NFATC3: variants seen among roughly 807,000 people sequenced by gnomAD.
The protein encoded by NFATC3 is nuclear factor of activated T-cells, cytoplasmic 3.
A neutral mutation model predicts 98.6 loss-of-function variants in NFATC3; 46 were observed. The ratio of observed to expected loss-of-function variants is 0.47; its 90% CI spans 0.37 to 0.60. NFATC3 has a LOEUF of 0.60. Among genes scored for constraint, NFATC3 ranks in the 20% least tolerant of loss-of-function variants. The probability of loss-of-function intolerance (pLI) is 0.00; values close to 1 mark genes in which losing one functional copy is unlikely to be tolerated. For synonymous variants in NFATC3, 512 were observed against 472.2 expected (o/e 1.08, Z -1.09); for missense variants, 1,256 against 1,295.5 (o/e 0.97, Z 0.47).
In NFATC3 at chr16:68,160,791, T is replaced by C. The variant is rs546202434; in HGVS notation, c.1601+2723T>C. ...CCTCTGCCTCCCAGGCTCAAGTGAT[T>C]CTCGTGCTTCAGCCACCCAAGTAGC... On this transcript the variant is annotated intron_variant, in intron 4 of 9. Transcript: ENST00000346183. Among the ~76,000 whole-genome samples, 91 of 152,198 alleles carry C rather than the reference T, an allele frequency of 6.0e-4. 1 individual carries two copies. In the Middle Eastern group the frequency reaches 0.031, roughly 51 times the overall value.
intron 9 of NFATC3, among the ~76,000 whole-genome samples, chr16:68,198,538 A>C (rs1028285069): frequency 4.6e-5 from 7 of 152,178 alleles, no homozygotes; most frequent in Non-Finnish European, 1.0e-4. Flanking sequence ...AACTGGTGTC[A>C]AACAAAGAAT....
chr16:68,187,166 C>T (rs1050179280), intron 8 of NFATC3, among the ~76,000 whole-genome samples: 1 of 152,202 alleles, frequency 6.6e-6, no homozygotes, highest in Admixed American at 6.5e-5. Context: ...TGGGTGGTGG[C>T]GCCCTGTGAG....
chr16:68,147,274 C>A (rs9922165), intron 3 of NFATC3, among the ~76,000 whole-genome samples: 27,873 of 152,008 alleles, frequency 0.18, 2,926 homozygotes, highest in African/African-American at 0.28. Flanking sequence ...TAATAGCAAA[C>A]TTTTTTATTT....
At chr16:68,155,900 A>G (rs2038587209) in intron 3 of NFATC3, among the ~76,000 whole-genome samples, 1 of 152,226 alleles carries the variant, frequency 6.6e-6, no homozygotes, top group Non-Finnish European at 1.5e-5. Context: ...TAGATTAGAT[A>G]TTGGAAAGAT....
At chr16:68,109,842 G>A (rs8047343) in intron 1 of NFATC3, among the ~76,000 whole-genome samples, 41,915 of 151,812 alleles carry the variant, frequency 0.28, 7,274 homozygotes, top group African/African-American at 0.49. Flanking sequence ...TGTCTTCTAA[G>A]TTTTCTAGTT....
intron 8 of NFATC3, among the ~76,000 whole-genome samples, chr16:68,185,690 C>T (rs2040162684): frequency 6.6e-6 from 1 of 151,576 alleles, no homozygotes; most frequent in African/African-American, 2.4e-5. Context: ...GGTGAAACCC[C>T]GTCTCTACTA....
At position 68,123,605 on chromosome 16, in the gene NFATC3, G is replaced by A. The variant is rs1388164998; in HGVS notation, c.1238+484G>A. Among the ~76,000 whole-genome samples, 7 of 151,956 alleles carry A rather than the reference G, an allele frequency of 4.6e-5. No homozygotes were observed. In the East Asian group the frequency reaches 9.7e-4, roughly 21 times the overall value. ...TGCTTGAGCCCAGAACTTCAAGGCTGCAGTGAAACATGATTATGCCATTGT... is the reference window on the plus strand; with the variant it reads ...TGCTTGAGCCCAGAACTTCAAGGCTACAGTGAAACATGATTATGCCATTGT... On this transcript the variant is annotated intron_variant, in intron 2 of 9. Transcript: ENST00000346183.
In NFATC3 at chr16:68,174,517, A is replaced by G. The variant is rs770974369; in HGVS notation, c.1915+3A>G. The stretch of plus-strand genomic sequence containing the variant: ...CATTTTTCTTGAAAAAGGACAAGGT[A>G]AGTAATATATGAGTTGATTGACTTC... On this transcript the variant is annotated splice_donor_region_variant and intron_variant, in intron 6 of 9. Coordinates refer to ENST00000346183, the MANE Select transcript of NFATC3 (RefSeq NM_173165.3). 3.1e-6 allele frequency: 5 copies of G among 1,592,604 alleles called. No individual in the cohort carries two copies. The African/African-American group carries it at 6.7e-5, about 21-fold the overall frequency.
intron 1 of NFATC3, among the ~76,000 whole-genome samples, chr16:68,102,374 GAAAAAAA>G (rs71268472): frequency 1.9e-4 from 6 of 30,894 alleles, no homozygotes; most frequent in African/African-American, 3.7e-4. Flanking sequence ...TCCATCTCAG[GAAAAAAA>G]AAAAAAAAAA....
At chr16:68,101,989 ATTTG>A (rs2035389758) in intron 1 of NFATC3, among the ~76,000 whole-genome samples, 1 of 151,934 alleles carries the variant, frequency 6.6e-6, no homozygotes, top group African/African-American at 2.4e-5. Context: ...TTGTGTTGTC[ATTTG>A]TTTCTTTGCA....
rs2035146037 is a variant in NFATC3, at chr16:68,098,305, T to TTA, written c.103+12522_103+12523insAT. ...TTATTATTATTATTATTATTATTTTTTTTTTTTTTTTTTTAGATGGAGTCT... is the reference window on the plus strand; with the variant it reads ...TTATTATTATTATTATTATTATTTTTTATTTTTTTTTTTTTTAGATGGAGTCT... On this transcript the variant is annotated intron_variant, in intron 1 of 9. Transcript: ENST00000346183. Among the ~76,000 whole-genome samples, 4 of 120,762 alleles carry TTA rather than the reference T, an allele frequency of 3.3e-5. No homozygotes were observed. In the South Asian group the frequency reaches 8.1e-4, roughly 24 times the overall value. 79.2% of individuals were successfully genotyped at this position (120,762 alleles called of 152,430 possible).
chr16:68,098,302 T>TATTATTATTATTA (rs199707898), intron 1 of NFATC3, among the ~76,000 whole-genome samples: 1 of 119,574 alleles, frequency 8.4e-6, no homozygotes, highest in African/African-American at 3.2e-5. Flanking sequence ...TTATTATTAT[T>TATTATTATTATTA]TTTTTTTTTT....
intron 9 of NFATC3, chr16:68,200,566 A>C (rs1567547064): frequency 6.6e-6 from 1 of 152,142 alleles, no homozygotes; most frequent in Admixed American, 6.6e-5. Flanking sequence ...CAAGGCAGAT[A>C]TTCCTTTGGG....
intron 3 of NFATC3, among the ~76,000 whole-genome samples, chr16:68,156,222 G>C (rs966032486): frequency 1.3e-5 from 2 of 152,168 alleles, no homozygotes; most frequent in Non-Finnish European, 2.9e-5. Context: ...GGCTGAGGCA[G>C]GAGAATCGCT....
intron 6 of NFATC3, among the ~76,000 whole-genome samples, chr16:68,181,237 C>G (rs1029002024): frequency 1.3e-5 from 2 of 152,178 alleles, no homozygotes; most frequent in African/African-American, 2.4e-5. Context: ...GGCTTTTAAA[C>G]ATCACTTGGG....
In NFATC3 at chr16:68,123,120, C is replaced by T. The variant is rs749899891; in HGVS notation, c.1237C>T (p.Arg413Cys). The T allele has an allele frequency of 5.0e-6, 8 of 1,590,902 alleles. No homozygotes were observed. The highest frequency in any genetic ancestry group is 4.5e-5 in the East Asian group (2 of 44,790). Residue 413 changes from arginine (R) to cysteine (C), a missense_variant and splice_region_variant, in exon 2 of 10, where the codon CGC becomes TGC. Arg to Cys is a radical substitution (Grantham distance 180). Coordinates refer to ENST00000346183, the MANE Select transcript of NFATC3 (RefSeq NM_173165.3). The stretch of plus-strand genomic sequence containing the variant: ...AAAGCCTGGCCACACCCCTATATTT[C>T]GGTGAGTTGATGGAAATGGCTGCTG... Reference protein sequence around the residue: ...KPKPGHTPIFRTSSLPPLDWP... With the variant: ...KPKPGHTPIFCTSSLPPLDWP...
intron 1 of NFATC3, among the ~76,000 whole-genome samples, chr16:68,098,446 C>T (rs1276729791): frequency 2.0e-5 from 3 of 151,610 alleles, no homozygotes; most frequent in African/African-American, 7.3e-5. Context: ...GGATTGCAGG[C>T]ACACGCCACC....
chr16:68,127,942 A>G (rs2036924456), intron 3 of NFATC3, among the ~76,000 whole-genome samples: 1 of 152,020 alleles, frequency 6.6e-6, no homozygotes, highest in Non-Finnish European at 1.5e-5. Flanking sequence ...ATTTAGCCTT[A>G]GTTCTATTTC....
chr16:68,144,407 C>G lies in NFATC3; in HGVS notation c.1402-13462C>G, dbSNP rs199801092. ...AAAACTAAGCTTCCCTTATGCCCCA[C>G]CAATCTCACTCTGGGGCATTTATAA... On this transcript the variant is annotated intron_variant, in intron 3 of 9. Coordinates refer to ENST00000346183, the MANE Select transcript of NFATC3 (RefSeq NM_173165.3). Among the ~76,000 whole-genome samples, 4 of 152,206 alleles carry G rather than the reference C, an allele frequency of 2.6e-5. No individual in the cohort carries two copies. In the East Asian group the frequency reaches 7.7e-4, roughly 29 times the overall value.
Sources: gnomAD v4.1 joint callset for allele counts (sites outside exome capture counted in the v4.1 genomes callset) on GRCh38, gnomAD v4.1.1 for gene constraint, MANE v1.5 for transcripts, NCBI Gene and HGNC (gene_info 2026-07-23, HGNC 2026-07-21) for gene names.